The following MRPS23 variants were observed in gnomAD, a reference collection of about 807,000 sequenced individuals.
The protein encoded by MRPS23 is mitochondrial ribosomal protein S23.
MRPS23 carries 14 observed loss-of-function variants against 19.8 expected under a neutral mutation model. That is an observed-to-expected ratio of 0.71 (90% CI 0.47 to 1.11). The LOEUF is 1.11. MRPS23 is among the 50% of genes least tolerant of loss of function. The probability of loss-of-function intolerance (pLI) is 0.00; values close to 1 mark genes in which losing one functional copy is unlikely to be tolerated. For missense variants in MRPS23, 242 were observed against 236.7 expected, an observed-to-expected ratio of 1.02 and a Z score of -0.15; for synonymous variants, 113 against 89.7, an observed-to-expected ratio of 1.26 and a Z score of -1.47.
rs1444331698 is a variant in MRPS23 at position 57,850,042 on chromosome 17, G to A, written c.-32C>T. ...CGCCTGGTACCGAGCGTGACTAGCT[G>A]CTACCGGAACCGGAAGCGGCTGCTC... On this transcript the variant is annotated 5_prime_UTR_variant, in exon 1 of 5. Coordinates refer to ENST00000313608, the MANE Select transcript of MRPS23 (RefSeq NM_016070.4). The A allele has an allele frequency of 1.9e-6, 3 of 1,580,096 alleles. No individual in the cohort carries two copies. In the South Asian group the frequency reaches 3.4e-5, roughly 18 times the overall value.
intron 2 of MRPS23, among the ~76,000 whole-genome samples, chr17:57,846,552 C>T (rs1329157631): frequency 3.3e-5 from 5 of 152,144 alleles, no homozygotes; most frequent in Admixed American, 2.0e-4. Context: ...ATGGGAGACT[C>T]CATTTTGTTC....
rs1237696771 is a variant in MRPS23 at position 57,836,852 on chromosome 17, T to C, written c.*2931A>G. The C allele has an allele frequency of 6.6e-6, 1 of 152,146 alleles. No homozygotes were observed. Among genetic ancestry groups the C allele is most frequent in the Non-Finnish European group, 1.5e-5 (1 of 68,030 alleles). The allele number at this position is 152,146 out of a possible 1,614,324, so 9.4% of individuals were successfully genotyped here. On this transcript the variant is annotated 3_prime_UTR_variant, in exon 5 of 5. Coordinates refer to ENST00000313608, the MANE Select transcript of MRPS23 (RefSeq NM_016070.4). ...CCCGCACGCCCAGCTAATTTTTTTG[T>C]ATTTTTAGTAAAGATGGGGTTTCAC... is the stretch of plus-strand genomic sequence containing the variant.
chr17:57,842,088 T>C (rs2073743523), intron 2 of MRPS23, among the ~76,000 whole-genome samples: 1 of 152,176 alleles, frequency 6.6e-6, no homozygotes, highest in African/African-American at 2.4e-5. Flanking sequence ...CATAGCTCAC[T>C]GCAGCCTCAA....
In MRPS23 at chr17:57,841,220, C is replaced by CA; in HGVS notation, c.255dup (p.Asp86Ter). ...GACTTGAAGTTTGGATTGAATAGAT[C>CA]AAAAGCTCTTTGACCAGACCCATAC... On this transcript the variant is annotated frameshift_variant, in exon 3 of 5. Coordinates refer to ENST00000313608, the MANE Select transcript of MRPS23 (RefSeq NM_016070.4). LOFTEE classifies it high-confidence loss of function. The CA allele has an allele frequency of 1.2e-6, 2 of 1,614,140 alleles. No individual in the cohort carries two copies. The highest frequency in any genetic ancestry group is 1.7e-6 in the Non-Finnish European group (2 of 1,180,032).
chr17:57,848,126 G>A (rs1169540401), intron 2 of MRPS23, among the ~76,000 whole-genome samples: 1 of 151,942 alleles, frequency 6.6e-6, no homozygotes, highest in Non-Finnish European at 1.5e-5. Flanking sequence ...GTCCTGCTAT[G>A]TTGCCCAGGG....
chr17:57,847,452 G>A (rs891739901), intron 2 of MRPS23, among the ~76,000 whole-genome samples: 1 of 151,994 alleles, frequency 6.6e-6, no homozygotes, highest in African/African-American at 2.4e-5. Context: ...CACGAGGTCA[G>A]GAGATTGAGA....
rs898371058 is a variant in MRPS23 at position 57,850,035 on chromosome 17, A to T, written c.-25T>A. On this transcript the variant is annotated 5_prime_UTR_variant, in exon 1 of 5. Transcript: ENST00000313608. ...TGATCTGCGCCTGGTACCGAGCGTGACTAGCTGCTACCGGAACCGGAAGCG... is the reference window on the plus strand; with the variant it reads ...TGATCTGCGCCTGGTACCGAGCGTGTCTAGCTGCTACCGGAACCGGAAGCG... 2 of 1,583,448 alleles carry T rather than the reference A, an allele frequency of 1.3e-6. No individual in the cohort carries two copies. Among genetic ancestry groups the T allele is most frequent in the Non-Finnish European group, 8.5e-7 (1 of 1,169,968 alleles).
chr17:57,846,172 C>G (rs2073772306), intron 2 of MRPS23, among the ~76,000 whole-genome samples: 2 of 148,216 alleles, frequency 1.3e-5, no homozygotes, highest in Non-Finnish European at 3.1e-5. Context: ...GGGGCAGTCC[C>G]TGCTCCGCCA....
Position 57,849,999 on chromosome 17 carries a change from G to T in MRPS23, c.12C>A (p.Ser4Arg). The T allele has an allele frequency of 6.3e-7, 1 of 1,591,404 alleles. No homozygotes were observed. MAGSRLETVGSIFS... is the reference protein window; with the variant it reads MAGRRLETVGSIFS... ...AGATGCTCCCTACGGTTTCCAGCCGGCTGCCTGCCATGATCTGCGCCTGGT... is the reference window on the plus strand; with the variant it reads ...AGATGCTCCCTACGGTTTCCAGCCGTCTGCCTGCCATGATCTGCGCCTGGT... Residue 4 changes from serine (S) to arginine (R), a missense_variant, in exon 1 of 5, where the codon AGC becomes AGA. Physicochemically the swap from Ser to Arg is moderately radical, Grantham distance 110 (BLOSUM62 -1). Transcript: ENST00000313608.
intron 4 of MRPS23, 92 bp downstream of exon 4, chr17:57,840,833 TA>T: frequency 6.7e-7 from 1 of 1,493,448 alleles, no homozygotes. Flanking sequence ...CATCTGTGAA[TA>T]TTGGTATCTG....
At chr17:57,842,527 C>T (rs2073745457) in intron 2 of MRPS23, among the ~76,000 whole-genome samples, 1 of 152,132 alleles carries the variant, frequency 6.6e-6, no homozygotes, top group South Asian at 2.1e-4. Flanking sequence ...AACCATGCTG[C>T]AATCATTATC....
chr17:57,844,431 A>C (rs1282142196), intron 2 of MRPS23, among the ~76,000 whole-genome samples: 1 of 151,590 alleles, frequency 6.6e-6, no homozygotes, highest in Non-Finnish European at 1.5e-5. Context: ...TGACAATAGT[A>C]AAAAATTAAA....
intron 2 of MRPS23, among the ~76,000 whole-genome samples, chr17:57,842,733 C>T (rs769073519): frequency 4.5e-4 from 68 of 152,010 alleles, no homozygotes; most frequent in Admixed American, 5.9e-4. Context: ...GACCAAATGA[C>T]ATTCTCCAGC....
At position 57,849,969 on chromosome 17, in the gene MRPS23, A is replaced by T. The variant is rs1476050734; in HGVS notation, c.42T>A (p.Ser14=). The T allele has an allele frequency of 1.3e-6, 2 of 1,588,820 alleles. No individual in the cohort carries two copies. Among genetic ancestry groups the T allele is most frequent in the African/African-American group, 2.7e-5 (2 of 74,398 alleles). Residue 14 remains serine, a splice_region_variant and synonymous_variant, in exon 1 of 5, where the codon TCT becomes TCA. Transcript: ENST00000313608. ...SRLETVGSIF[S]RTRDLVRAGV... ...CCACCACGGCTGGGAGCACACACCGAGAGAAGATGCTCCCTACGGTTTCCA... is the reference window on the plus strand; with the variant it reads ...CCACCACGGCTGGGAGCACACACCGTGAGAAGATGCTCCCTACGGTTTCCA...
At chr17:57,849,584 C>T (rs2073798956) in intron 1 of MRPS23, among the ~76,000 whole-genome samples, 174 bp from the exon 2 acceptor site, 1 of 148,706 alleles carries the variant, frequency 6.7e-6, no homozygotes, top group Non-Finnish European at 1.5e-5. Context: ...CCAAACTTAA[C>T]AACGCTCAGG....
At chr17:57,841,653 T>C (rs1271707163) in intron 2 of MRPS23, among the ~76,000 whole-genome samples, 2 of 152,226 alleles carry the variant, frequency 1.3e-5, no homozygotes, top group Non-Finnish European at 2.9e-5. Context: ...TTGCTCTACA[T>C]CTTGCCTTTT....
At chr17:57,845,836 G>A (rs1479326363) in intron 2 of MRPS23, among the ~76,000 whole-genome samples, 1 of 152,112 alleles carries the variant, frequency 6.6e-6, no homozygotes, top group Non-Finnish European at 1.5e-5. Flanking sequence ...TTCAAGAGAC[G>A]ATTAATAAGC....
chr17:57,842,886 A>G (rs1194979998), intron 2 of MRPS23, among the ~76,000 whole-genome samples: 2 of 120,530 alleles, frequency 1.7e-5, no homozygotes, highest in East Asian at 2.2e-4. Context: ...AAAAATATAT[A>G]TATATACACA....
Position 57,841,240 on chromosome 17 carries a change from C to T in MRPS23, c.236G>A (p.Gly79Glu), listed in dbSNP as rs1176140459. 4.3e-6 allele frequency: 7 copies of T among 1,613,862 alleles called. No homozygotes were observed. The highest frequency in any genetic ancestry group is 3.3e-4 in the Middle Eastern group (2 of 6,046). Residue 79 changes from glycine to glutamate, a missense_variant, in exon 3 of 5, where the codon GGG (glycine) becomes GAG (glutamate). Physicochemically the swap from Gly to Glu is moderately conservative, Grantham distance 98. Transcript: ENST00000313608. ...TAGATCAAAAGCTCTTTGACCAGAC[C>T]CATACACTGAATAAAACTTCCTAGA... is the stretch of plus-strand genomic sequence containing the variant. Reference protein sequence around the residue: ...RIRAKFYSVYGSGQRAFDLFN... With the variant: ...RIRAKFYSVYESGQRAFDLFN...
Sources: allele counts gnomAD v4.1 joint callset (sites outside exome capture counted in the v4.1 genomes callset), GRCh38; gene constraint gnomAD v4.1.1; transcripts MANE v1.5; gene names NCBI Gene and HGNC (gene_info 2026-07-23, HGNC 2026-07-21).